PDE7A: variants seen among roughly 807,000 people sequenced by gnomAD.
PDE7A encodes the protein high affinity 3',5'-cyclic-AMP phosphodiesterase 7A.
PDE7A carries 39 observed loss-of-function variants against 64.3 expected under a neutral mutation model. The observed-to-expected ratio is 0.61, with a 90% CI of 0.47 to 0.79. The LOEUF is 0.79. Among genes scored for constraint, PDE7A ranks in the 30% least tolerant of loss-of-function variants. The pLI is 0.00. For missense variants in PDE7A, 470 were observed against 582.8 expected, an observed-to-expected ratio of 0.81 and a Z score of 1.99; for synonymous variants, 203 against 206.8, an observed-to-expected ratio of 0.98 and a Z score of 0.16.
chr8:65,723,942 T>C (rs987291051), intron 11 of PDE7A, among the ~76,000 whole-genome samples: 5 of 152,170 alleles, frequency 3.3e-5, no homozygotes, highest in African/African-American at 1.2e-4. Flanking sequence ...AAGTTTTACA[T>C]GTTCATATGG....
chr8:65,719,660 A>G (rs575772849), intron 12 of PDE7A, 165 bp from the exon 13 acceptor site: 89 of 586,606 alleles, frequency 1.5e-4, no homozygotes, highest in African/African-American at 1.4e-3. Context: ...TGTAATGTAC[A>G]TATCCACTTT....
intron 1 of PDE7A, among the ~76,000 whole-genome samples, chr8:65,828,380 A>G (rs941750379): frequency 6.6e-6 from 1 of 152,076 alleles, no homozygotes; most frequent in African/African-American, 2.4e-5. Flanking sequence ...TTTTTCCCCC[A>G]AAGTTGTTAT....
intron 6 of PDE7A, 87 bp from the exon 7 acceptor site, chr8:65,734,981 C>A (rs1348028350): frequency 6.1e-6 from 5 of 815,254 alleles, no homozygotes; most frequent in Non-Finnish European, 1.1e-5. Flanking sequence ...GTTACCCACT[C>A]ATACTTTTCA....
At chr8:65,748,718 C>T (rs1807797984) in intron 3 of PDE7A, among the ~76,000 whole-genome samples, 1 of 152,212 alleles carries the variant, frequency 6.6e-6, no homozygotes, top group South Asian at 2.1e-4. Context: ...TATCCAGTCA[C>T]TCACTCCTCT....
At chr8:65,784,824 TA>T (rs985108381) in intron 1 of PDE7A, among the ~76,000 whole-genome samples, 14 of 151,688 alleles carry the variant, frequency 9.2e-5, no homozygotes, top group East Asian at 5.8e-4. Flanking sequence ...TTCACAAGGT[TA>T]AAAAAAATAT....
At chr8:65,746,354 G>C (rs545140374) in intron 4 of PDE7A, among the ~76,000 whole-genome samples, 33 of 152,146 alleles carry the variant, frequency 2.2e-4, no homozygotes, top group Non-Finnish European at 3.8e-4. Context: ...CTAGAACCTA[G>C]GCATCTGACA....
chr8:65,810,609 C>T (rs1277112144), intron 1 of PDE7A, among the ~76,000 whole-genome samples: 1 of 151,846 alleles, frequency 6.6e-6, no homozygotes, highest in African/African-American at 2.4e-5. Flanking sequence ...AAGTAAAAAT[C>T]ATCCTATTTT....
chr8:65,788,046 T>C lies in PDE7A; in HGVS notation c.139-5203A>G, dbSNP rs570370168. Among the ~76,000 whole-genome samples, 321 of 152,316 alleles carry C rather than the reference T, an allele frequency of 2.1e-3. 1 individual carries two copies. Among genetic ancestry groups the C allele is most frequent in the African/African-American group, 7.4e-3 (306 of 41,576 alleles). Reference sequence around the variant, plus strand: ...AGAGATAATTATGCTTAAAACATTATGTTTAAACGTGGAAAATTACATAGC... The same window carrying C: ...AGAGATAATTATGCTTAAAACATTACGTTTAAACGTGGAAAATTACATAGC... On this transcript the variant is annotated intron_variant, in intron 1 of 12. Transcript: ENST00000401827.
chr8:65,717,430 T>C lies in PDE7A; in HGVS notation c.*1860A>G, dbSNP rs939389933. On this transcript the variant is annotated 3_prime_UTR_variant, in exon 13 of 13. Coordinates refer to ENST00000401827, the MANE Select transcript of PDE7A (RefSeq NM_001242318.3). ...ACTTGCAAGACTTGCTGATGTCTTA[T>C]GCAGTTCACCACTGTAGGAACAAAA... 2 of 152,252 alleles carry C rather than the reference T, an allele frequency of 1.3e-5. No individual in the cohort carries two copies. The highest frequency in any genetic ancestry group is 2.9e-5 in the Non-Finnish European group (2 of 68,046). 9.4% of individuals were successfully genotyped at this position (152,252 alleles called of 1,614,324 possible).
intron 1 of PDE7A, among the ~76,000 whole-genome samples, chr8:65,832,957 C>G (rs933985838): frequency 6.6e-6 from 1 of 152,234 alleles, no homozygotes; most frequent in Non-Finnish European, 1.5e-5. Flanking sequence ...TTAGAGTCAG[C>G]ATGACCTAGA....
At chr8:65,750,980 A>G (rs1807923954) in intron 3 of PDE7A, among the ~76,000 whole-genome samples, 2 of 152,246 alleles carry the variant, frequency 1.3e-5, no homozygotes, top group East Asian at 1.9e-4. Context: ...AGAAACCTAC[A>G]TAACAGGATA....
chr8:65,753,665 T>C (rs1292015711), intron 3 of PDE7A, among the ~76,000 whole-genome samples: 2 of 152,228 alleles, frequency 1.3e-5, no homozygotes, highest in Non-Finnish European at 2.9e-5. Flanking sequence ...GTTGCTCAGG[T>C]GCTCGATTTC....
chr8:65,769,247 CAAAAA>C (rs61554087), intron 3 of PDE7A, among the ~76,000 whole-genome samples: 2 of 74,460 alleles, frequency 2.7e-5, no homozygotes, highest in African/African-American at 5.1e-5. Flanking sequence ...GACTCAGTCT[CAAAAA>C]AAAAAAAAAA....
At chr8:65,752,414 T>C (rs1485823074) in intron 3 of PDE7A, among the ~76,000 whole-genome samples, 1 of 152,230 alleles carries the variant, frequency 6.6e-6, no homozygotes, top group African/African-American at 2.4e-5. Flanking sequence ...GTTCAAATTT[T>C]TTTTCAGTAG....
chr8:65,782,723 CAAATAACAACAGGTAAT>C, intron 2 of PDE7A, 43 bp downstream of exon 2: 4 of 906,692 alleles, frequency 4.4e-6, no homozygotes, highest in Non-Finnish European at 7.0e-6. Flanking sequence ...ACCTCAAACT[CAAATAACAACAGGTAAT>C]AACAAAATTA....
At chr8:65,839,333 A>G (rs1378647416) in intron 1 of PDE7A, among the ~76,000 whole-genome samples, 3 of 132,784 alleles carry the variant, frequency 2.3e-5, no homozygotes, top group Admixed American at 7.0e-5. Context: ...AGGGTAAAGA[A>G]AGCATTTGAT....
At chr8:65,742,686 A>G (rs1370693658) in intron 5 of PDE7A, among the ~76,000 whole-genome samples, 1 of 152,208 alleles carries the variant, frequency 6.6e-6, no homozygotes, top group East Asian at 1.9e-4. Context: ...AATATAAGCT[A>G]AAGGAATTTT....
At chr8:65,740,710 T>G (rs1399593746) in intron 5 of PDE7A, among the ~76,000 whole-genome samples, 3 of 152,190 alleles carry the variant, frequency 2.0e-5, no homozygotes, top group Non-Finnish European at 2.9e-5. Context: ...CAAGTTTCCC[T>G]TTCTTTCAAA....
chr8:65,737,645 A>T (rs905670868), intron 6 of PDE7A, among the ~76,000 whole-genome samples: 1 of 152,068 alleles, frequency 6.6e-6, no homozygotes, highest in Non-Finnish European at 1.5e-5. Context: ...CAGCCTCCCG[A>T]GTAGGTAGGA....
Sources: allele counts gnomAD v4.1 joint callset (sites outside exome capture counted in the v4.1 genomes callset), GRCh38; gene constraint gnomAD v4.1.1; transcripts MANE v1.5; gene names NCBI Gene and HGNC (gene_info 2026-07-23, HGNC 2026-07-21).